OR6B2: variants seen among roughly 807,000 people sequenced by gnomAD.
The protein encoded by OR6B2 is olfactory receptor 6B2.
For missense variants in OR6B2, 275 were observed against 386.8 expected, an observed-to-expected ratio of 0.71 and a Z score of 2.42; for synonymous variants, 155 against 171.5, an observed-to-expected ratio of 0.90 and a Z score of 0.75.
Position 240,030,194 on chromosome 2 carries a change from G to C in OR6B2, c.236C>G (p.Pro79Arg). The change falls in exon 1 of 1, where the codon CCC (proline) becomes CGC (arginine). Residue 79 changes from proline to arginine, a missense_variant. Coordinates refer to ENST00000319423, the MANE Select transcript of OR6B2 (RefSeq NM_001005853.1). Reference protein sequence around the residue: ...LEIWYVSDITPKMLEGFLLQQ... With the variant: ...LEIWYVSDITRKMLEGFLLQQ... ...GAGGAGGAAGCCCTCCAGCATCTTG[G>C]GGGTGATGTCAGACACGTACCAGAT... is the stretch of plus-strand genomic sequence containing the variant. The C allele has an allele frequency of 1.2e-6, 2 of 1,613,080 alleles. No homozygotes were observed. Among genetic ancestry groups the C allele is most frequent in the Non-Finnish European group, 1.7e-6 (2 of 1,179,144 alleles).
In OR6B2 at chr2:240,029,638, G is replaced by C; in HGVS notation, c.792C>G (p.Ala264=). 6.3e-7 allele frequency: 1 copy of C among 1,577,684 alleles called. No individual in the cohort carries two copies. The highest frequency in any genetic ancestry group is 8.7e-7 in the Non-Finnish European group (1 of 1,146,860). Residue 264 remains alanine, a synonymous_variant, in exon 1 of 1, where the codon GCC becomes GCG. Coordinates refer to ENST00000319423, the MANE Select transcript of OR6B2 (RefSeq NM_001005853.1). This position sits in a 1 kb window ranked among gnomAD's most constrained non-coding sequence, Gnocchi z 5.2. The stretch of plus-strand genomic sequence containing the variant: ...GCTTGTTGGAGCTCTGGGAATCAAT[G>C]GCTTGGGGCCGGACATACATGAAAA... ...ALLFMYVRPQ[A]IDSQSSNKLI...
rs751434097 is a variant in OR6B2 at position 240,030,069 on chromosome 2, C to T, written c.361G>A (p.Asp121Asn). 20 of 1,450,372 alleles carry T rather than the reference C, an allele frequency of 1.4e-5. No homozygotes were observed. Among genetic ancestry groups the T allele is most frequent in the East Asian group, 9.1e-5 (4 of 44,074 alleles). 89.8% of individuals were successfully genotyped at this position (1,450,372 alleles called of 1,614,324 possible). ...ECVLLASMAY[D>N]RYVAICHPLR... Reference sequence around the variant, plus strand: ...GGGTGGCAGATGGCCACGTAGCGGTCGTAGGCCATGGAGGCCAGAAGCACA... The same window carrying T: ...GGGTGGCAGATGGCCACGTAGCGGTTGTAGGCCATGGAGGCCAGAAGCACA... Residue 121 changes from aspartate to asparagine, a missense_variant, in exon 1 of 1, where the codon GAC becomes AAC. Coordinates refer to ENST00000319423, the MANE Select transcript of OR6B2 (RefSeq NM_001005853.1).
Position 240,029,616 on chromosome 2 carries a change from T to G in OR6B2, c.814A>C (p.Lys272Gln), listed in dbSNP as rs1207499747. 3 of 1,365,588 alleles carry G rather than the reference T, an allele frequency of 2.2e-6. No homozygotes were observed. The highest frequency in any genetic ancestry group is 3.1e-6 in the Non-Finnish European group (3 of 953,158). The allele number at this position is 1,365,588 out of a possible 1,614,324, so 84.6% of individuals were successfully genotyped here. A position where few individuals can be genotyped will look rare whatever the true frequency, so the allele number is the denominator to read the frequency against. ...PQAIDSQSSN[K>Q]LISAVYTVVT... ...ACAGTGTACACGGCAGAGATGAGCT[T>G]GTTGGAGCTCTGGGAATCAATGGCT... Residue 272 changes from lysine to glutamine, a missense_variant, in exon 1 of 1, where the codon AAG (lysine) becomes CAG (glutamine). Physicochemically the swap from Lys to Gln is moderately conservative, Grantham distance 53. Transcript: ENST00000319423. This position sits in a 1 kb window ranked among gnomAD's most constrained non-coding sequence, Gnocchi z 5.2.
rs374077106 is a variant in OR6B2, at chr2:240,029,658, T to C, written c.772A>G (p.Met258Val). The C allele has an allele frequency of 2.2e-4, 350 of 1,610,358 alleles. 1 individual carries two copies. Among genetic ancestry groups the C allele is most frequent in the Non-Finnish European group, 2.8e-4 (332 of 1,176,738 alleles). ...TCAATGGCTTGGGGCCGGACATACA[T>C]GAAAAGCAAGGCTGTATAGAAGACG... The part of the protein sequence containing the change: ...VTVFYTALLF[M>V]YVRPQAIDSQ... Residue 258 changes from methionine (M) to valine (V), a missense_variant, in exon 1 of 1, where the codon ATG becomes GTG. Met to Val is a conservative substitution (Grantham distance 21). Coordinates refer to ENST00000319423, the MANE Select transcript of OR6B2 (RefSeq NM_001005853.1). The surrounding 1 kb of genome is among the most constrained non-coding windows in gnomAD (Gnocchi z 5.2).
Position 240,030,390 on chromosome 2 carries a change from G to T in OR6B2, c.40C>A (p.Leu14Met). ...CCTGGGGCCGTGGGGAGGCCCACCA[G>T]GATGAAGGTGCTGACCTTGGTGACA... ...ENVTKVSTFI[L>M]VGLPTAPGLQ... The change falls in exon 1 of 1, where the codon CTG becomes ATG. Residue 14 changes from leucine to methionine, a missense_variant. Transcript: ENST00000319423. 1 of 1,609,634 alleles carries T rather than the reference G, an allele frequency of 6.2e-7. No individual in the cohort carries two copies. Among genetic ancestry groups the T allele is most frequent in the Non-Finnish European group, 8.5e-7 (1 of 1,175,890 alleles).
Position 240,029,801 on chromosome 2 carries a change from G to A in OR6B2, c.629C>T (p.Pro210Leu), listed in dbSNP as rs201800792. The change falls in exon 1 of 1, where the codon CCG (proline) becomes CTG (leucine). Residue 210 changes from proline (P) to leucine (L), a missense_variant. By Grantham distance (98) the Pro-to-Leu change is moderately conservative. Transcript: ENST00000319423. The surrounding 1 kb of genome is among the most constrained non-coding windows in gnomAD (Gnocchi z 5.2). ...FILAFIILVF[P>L]LLATILSYWH... Reference sequence around the variant, plus strand: ...ATATGACAGTATGGTGGCCAGGAGCGGAAACACCAGGATGATGAAGGCCAG... The same window carrying A: ...ATATGACAGTATGGTGGCCAGGAGCAGAAACACCAGGATGATGAAGGCCAG... 106 of 1,611,616 alleles carry A rather than the reference G, an allele frequency of 6.6e-5. No individual in the cohort carries two copies. The highest frequency in any genetic ancestry group is 1.0e-4 in the Admixed American group (6 of 60,024).
rs749576646 is a variant in OR6B2 at position 240,030,254 on chromosome 2, A to G, written c.176T>C (p.Met59Thr). The change falls in exon 1 of 1, where the codon ATG (methionine) becomes ACG (threonine). Residue 59 changes from methionine (M) to threonine (T), a missense_variant. Physicochemically the swap from Met to Thr is moderately conservative, Grantham distance 81. Coordinates refer to ENST00000319423, the MANE Select transcript of OR6B2 (RefSeq NM_001005853.1). Reference sequence around the variant, plus strand: ...AGACATGGAGCTCAGAAAGTAGTACATGGGCCTGTGGAGGGAGGTGCTGCT... The same window carrying G: ...AGACATGGAGCTCAGAAAGTAGTACGTGGGCCTGTGGAGGGAGGTGCTGCT... ...VWSSTSLHRP[M>T]YYFLSSMSFL... The G allele has an allele frequency of 2.5e-6, 4 of 1,613,890 alleles. No individual in the cohort carries two copies. Among genetic ancestry groups the G allele is most frequent in the East Asian group, 2.2e-5 (1 of 44,876 alleles).
chr2:240,029,842 C>T lies in OR6B2; in HGVS notation c.588G>A (p.Glu196=), dbSNP rs1697963712. 1 of 1,611,340 alleles carries T rather than the reference C, an allele frequency of 6.2e-7. No individual in the cohort carries two copies. Among genetic ancestry groups the T allele is most frequent in the East Asian group, 2.2e-5 (1 of 44,864 alleles). Residue 196 remains glutamate, a synonymous_variant, in exon 1 of 1, where the codon GAG becomes GAA. Transcript: ENST00000319423. The surrounding 1 kb of genome is among the most constrained non-coding windows in gnomAD (Gnocchi z 5.2). ...KLACTDFSTA[E]LVDFILAFII... is the part of the protein sequence containing the mutation. Reference sequence around the variant, plus strand: ...TGAAGGCCAGGATGAAATCCACCAGCTCTGCAGTGGAGAAGTCCGTGCAGG... The same window carrying T: ...TGAAGGCCAGGATGAAATCCACCAGTTCTGCAGTGGAGAAGTCCGTGCAGG...
At position 240,029,763 on chromosome 2, in the gene OR6B2, G is replaced by A. The variant is rs1390325196; in HGVS notation, c.667C>T (p.Leu223=). Residue 223 remains leucine (L), a synonymous_variant, in exon 1 of 1, where the codon CTG becomes TTG. Transcript: ENST00000319423. The surrounding 1 kb of genome is among the most constrained non-coding windows in gnomAD (Gnocchi z 5.2). ...ATILSYWHIT[L]AVLRIPSATG... ...GCCGAGGGGATGCGCAGGACAGCCA[G>A]GGTGATGTGCCAATATGACAGTATG... The A allele has an allele frequency of 6.2e-7, 1 of 1,609,144 alleles. No homozygotes were observed. The highest frequency in any genetic ancestry group is 8.5e-7 in the Non-Finnish European group (1 of 1,175,510).
chr2:240,030,229 A>G lies in OR6B2; in HGVS notation c.201T>C (p.Ser67=), dbSNP rs757826800. ...RPMYYFLSSM[S]FLEIWYVSDI... is the part of the protein sequence containing the mutation. ...CAGACACGTACCAGATCTCCAGGAAAGACATGGAGCTCAGAAAGTAGTACA... is the reference window on the plus strand; with the variant it reads ...CAGACACGTACCAGATCTCCAGGAAGGACATGGAGCTCAGAAAGTAGTACA... Residue 67 remains serine, a synonymous_variant, in exon 1 of 1, where the codon TCT becomes TCC. Coordinates refer to ENST00000319423, the MANE Select transcript of OR6B2 (RefSeq NM_001005853.1). 1.2e-6 allele frequency: 2 copies of G among 1,613,694 alleles called. No homozygotes were observed. Among genetic ancestry groups the G allele is most frequent in the Non-Finnish European group, 1.7e-6 (2 of 1,179,616 alleles).
chr2:240,030,322 G>A lies in OR6B2; in HGVS notation c.108C>T (p.Leu36=), dbSNP rs1393815624. The A allele has an allele frequency of 1.2e-6, 2 of 1,613,770 alleles. No homozygotes were observed. Among genetic ancestry groups the A allele is most frequent in the South Asian group, 1.1e-5 (1 of 91,074 alleles). Residue 36 remains leucine, a synonymous_variant, in exon 1 of 1, where the codon CTC becomes CTT. Coordinates refer to ENST00000319423, the MANE Select transcript of OR6B2 (RefSeq NM_001005853.1). ...TGGCCAGGTTCTCCACCAGGACAAA[G>A]AGGTAGGTGAGCAGGAAGAGGAGGA... ...LLFLLFLLTY[L]FVLVENLAII...
At position 240,029,681 on chromosome 2, in the gene OR6B2, A is replaced by G; in HGVS notation, c.749T>C (p.Val250Ala). The change falls in exon 1 of 1, where the codon GTC becomes GCC. Residue 250 changes from valine (V) to alanine (A), a missense_variant. Transcript: ENST00000319423. This position sits in a 1 kb window ranked among gnomAD's most constrained non-coding sequence, Gnocchi z 5.2. ...CATGAAAAGCAAGGCTGTATAGAAG[A>G]CGGTGACCACGGTGAGGTGAGAGGC... is the stretch of plus-strand genomic sequence containing the variant. ...TCASHLTVVT[V>A]FYTALLFMYV... 1 of 1,613,734 alleles carries G rather than the reference A, an allele frequency of 6.2e-7. No homozygotes were observed. Among genetic ancestry groups the G allele is most frequent in the Non-Finnish European group, 8.5e-7 (1 of 1,179,668 alleles).
In OR6B2 at chr2:240,029,509, C is replaced by A. The variant is rs1559422809; in HGVS notation, c.921G>T (p.Leu307Phe). Residue 307 changes from leucine to phenylalanine, a missense_variant, in exon 1 of 1, where the codon TTG becomes TTT. By Grantham distance (22) the Leu-to-Phe change is conservative (BLOSUM62 0). Transcript: ENST00000319423. The surrounding 1 kb of genome is among the most constrained non-coding windows in gnomAD (Gnocchi z 5.2). ...AGTTGTCTTAGTGTGAAGTTTGACC[C>A]AAGCCCAAGGCCTTTTTCAAGGCGT... Reference protein sequence around the residue: ...FKDALKKALGLGQTSH With the variant: ...FKDALKKALGFGQTSH The A allele has an allele frequency of 1.3e-6, 1 of 785,830 alleles. No homozygotes were observed. The highest frequency in any genetic ancestry group is 2.3e-6 in the Non-Finnish European group (1 of 430,156). The allele number at this position is 785,830 out of a possible 1,614,324, so 48.7% of individuals were successfully genotyped here.
In OR6B2 at chr2:240,030,210, C is replaced by T. The variant is rs766035979; in HGVS notation, c.220G>A (p.Val74Met). 1.4e-5 allele frequency: 22 copies of T among 1,613,320 alleles called. No homozygotes were observed. The highest frequency in any genetic ancestry group is 3.3e-5 in the Admixed American group (2 of 59,990). The change falls in exon 1 of 1, where the codon GTG becomes ATG. Residue 74 changes from valine to methionine, a missense_variant. Transcript: ENST00000319423. ...SSMSFLEIWY[V>M]SDITPKMLEG... ...AGCATCTTGGGGGTGATGTCAGACA[C>T]GTACCAGATCTCCAGGAAAGACATG...
Position 240,029,685 on chromosome 2 carries a change from T to C in OR6B2, c.745A>G (p.Thr249Ala), listed in dbSNP as rs758503568. ...AAAAGCAAGGCTGTATAGAAGACGGTGACCACGGTGAGGTGAGAGGCGCAG... is the reference window on the plus strand; with the variant it reads ...AAAAGCAAGGCTGTATAGAAGACGGCGACCACGGTGAGGTGAGAGGCGCAG... The part of the protein sequence containing the change: ...STCASHLTVV[T>A]VFYTALLFMY... The change falls in exon 1 of 1, where the codon ACC (threonine) becomes GCC (alanine). Residue 249 changes from threonine to alanine, a missense_variant. Thr to Ala is a moderately conservative substitution (Grantham distance 58). Transcript: ENST00000319423. This position sits in a 1 kb window ranked among gnomAD's most constrained non-coding sequence, Gnocchi z 5.2. 2.0e-5 allele frequency: 33 copies of C among 1,613,724 alleles called. No individual in the cohort carries two copies. Among genetic ancestry groups the C allele is most frequent in the Non-Finnish European group, 2.6e-5 (31 of 1,179,760 alleles).
Position 240,030,204 on chromosome 2 carries a change from C to A in OR6B2, c.226G>T (p.Asp76Tyr). Residue 76 changes from aspartate (D) to tyrosine (Y), a missense_variant, in exon 1 of 1, where the codon GAC becomes TAC. By Grantham distance (160) the Asp-to-Tyr change is radical. Coordinates refer to ENST00000319423, the MANE Select transcript of OR6B2 (RefSeq NM_001005853.1). The part of the protein sequence containing the change: ...MSFLEIWYVS[D>Y]ITPKMLEGFL... Reference sequence around the variant, plus strand: ...CCCTCCAGCATCTTGGGGGTGATGTCAGACACGTACCAGATCTCCAGGAAA... The same window carrying A: ...CCCTCCAGCATCTTGGGGGTGATGTAAGACACGTACCAGATCTCCAGGAAA... 1.9e-6 allele frequency: 3 copies of A among 1,613,486 alleles called. No homozygotes were observed. Among genetic ancestry groups the A allele is most frequent in the Non-Finnish European group, 2.5e-6 (3 of 1,179,522 alleles).
In OR6B2 at chr2:240,030,120, A is replaced by C. The variant is rs746160483; in HGVS notation, c.310T>G (p.Phe104Val). 1 of 1,537,932 alleles carries C rather than the reference A, an allele frequency of 6.5e-7. No individual in the cohort carries two copies. Among genetic ancestry groups the C allele is most frequent in the South Asian group, 1.1e-5 (1 of 89,536 alleles). The change falls in exon 1 of 1, where the codon TTC (phenylalanine) becomes GTC (valine). Residue 104 changes from phenylalanine to valine, a missense_variant. Transcript: ENST00000319423. ...FVGCMTQLYF[F>V]SSLVCTECVL... ...CACTCGGTGCACACCAGGGAGCTGAAGAAGTAGAGCTGCGTCATGCACCCG... is the reference window on the plus strand; with the variant it reads ...CACTCGGTGCACACCAGGGAGCTGACGAAGTAGAGCTGCGTCATGCACCCG...
Position 240,030,354 on chromosome 2 carries a change from G to A in OR6B2, c.76C>T (p.Leu26=). The A allele has an allele frequency of 1.2e-6, 2 of 1,610,902 alleles. No homozygotes were observed. Among genetic ancestry groups the A allele is most frequent in the African/African-American group, 1.3e-5 (1 of 75,000 alleles). ...GLPTAPGLQY[L]LFLLFLLTYL... ...GTGAGCAGGAAGAGGAGGAAGAGCA[G>A]GTACTGCAGCCCTGGGGCCGTGGGG... The change falls in exon 1 of 1, where the codon CTG becomes TTG. Residue 26 remains leucine, a synonymous_variant. Transcript: ENST00000319423.
In OR6B2 at chr2:240,029,494, G is replaced by C. The variant is rs1304826253; in HGVS notation, c.936C>G (p.His312Gln). 2.7e-6 allele frequency: 2 copies of C among 752,278 alleles called. No individual in the cohort carries two copies. Among genetic ancestry groups the C allele is most frequent in the African/African-American group, 3.4e-5 (2 of 58,006 alleles). 46.6% of individuals were successfully genotyped at this position (752,278 alleles called of 1,614,324 possible). A position where few individuals can be genotyped will look rare whatever the true frequency, so the allele number is the denominator to read the frequency against. The change falls in exon 1 of 1, where the codon CAC becomes CAG. Residue 312 changes from histidine to glutamine, a missense_variant. Coordinates refer to ENST00000319423, the MANE Select transcript of OR6B2 (RefSeq NM_001005853.1). The surrounding 1 kb of genome is among the most constrained non-coding windows in gnomAD (Gnocchi z 5.2). ...TACTCTAGGACATTTAGTTGTCTTA[G>C]TGTGAAGTTTGACCCAAGCCCAAGG... ...KKALGLGQTS[H>Q]
Sources: gnomAD v4.1 joint callset for allele counts on GRCh38, gnomAD v4.1.1 for gene constraint, Gnocchi (gnomAD v3.1) non-coding constraint, MANE v1.5 for transcripts, NCBI Gene and HGNC (gene_info 2026-07-23, HGNC 2026-07-21) for gene names.